Variants in JMJD1C observed in about 807,000 individuals in gnomAD.
JMJD1C encodes jumonji domain-containing protein 1C.
Under a neutral mutation model 245.3 loss-of-function variants are expected in JMJD1C, and 31 were observed. The observed-to-expected ratio is 0.13, with a 90% confidence interval of 0.09 to 0.17. The LOEUF (loss-of-function observed/expected upper bound fraction) is 0.17. JMJD1C is among the 10% of genes least tolerant of loss of function. The pLI, the probability that JMJD1C is intolerant of heterozygous loss-of-function variation, is 1.00. For missense variants in JMJD1C, 2,691 were observed against 3,000.2 expected, an observed-to-expected ratio of 0.90 and a Z score of 2.41; for synonymous variants, 1,057 against 1,017.4, an observed-to-expected ratio of 1.04 and a Z score of -0.74.
chr10:63,210,969 C>T (rs1847250896), intron 8 of JMJD1C, among the ~76,000 whole-genome samples: 1 of 152,192 alleles, frequency 6.6e-6, no homozygotes, highest in African/African-American at 2.4e-5. Flanking sequence ...ATCTTGTCAA[C>T]CTCAAATGTG....
intron 22 of JMJD1C, among the ~76,000 whole-genome samples, chr10:63,181,417 T>C (rs1429602201): frequency 2.0e-5 from 3 of 152,188 alleles, no homozygotes; most frequent in Non-Finnish European, 2.9e-5. Context: ...GGGTGAATGA[T>C]AATCTGAGTT....
intron 1 of JMJD1C, among the ~76,000 whole-genome samples, chr10:63,386,812 C>G (rs994656513): frequency 3.9e-5 from 6 of 152,162 alleles, no homozygotes; most frequent in Non-Finnish European, 5.9e-5. Context: ...CACTCATTCA[C>G]CCCACTACTG....
At position 63,319,243 on chromosome 10, in the gene JMJD1C, C is replaced by T. The variant is rs1003731837; in HGVS notation, c.334-54479G>A. 6.1e-4 allele frequency among the ~76,000 whole-genome samples: 74 copies of T among 122,264 alleles called. 1 individual carries two copies. The highest frequency in any genetic ancestry group is 2.5e-4 in the East Asian group (1 of 4,020). 80.2% of individuals were successfully genotyped at this position (122,264 alleles called of 152,430 possible). On this transcript the variant is annotated intron_variant, in intron 2 of 25. Coordinates refer to ENST00000399262, the MANE Select transcript of JMJD1C (RefSeq NM_032776.3). Reference sequence around the variant, plus strand: ...CTGCACTCCAGCCTGGGCGACAGAGCGAGACTCCATCTAAAAAAAAAAAAA... The same window carrying T: ...CTGCACTCCAGCCTGGGCGACAGAGTGAGACTCCATCTAAAAAAAAAAAAA...
chr10:63,307,924 C>T (rs922567895), intron 2 of JMJD1C, among the ~76,000 whole-genome samples: 121 of 152,088 alleles, frequency 8.0e-4, no homozygotes, highest in East Asian at 1.5e-3. Flanking sequence ...CTGAGGCAGG[C>T]GGATCACTTG....
intron 1 of JMJD1C, among the ~76,000 whole-genome samples, chr10:63,385,650 T>C (rs1267890483): frequency 1.3e-5 from 2 of 151,798 alleles, no homozygotes; most frequent in Non-Finnish European, 2.9e-5. Flanking sequence ...CTTGCTATAT[T>C]GTTCAGGCTG....
In JMJD1C at chr10:63,201,510, T is replaced by C. The variant is rs566699459; in HGVS notation, c.5075-833A>G. Among the ~76,000 whole-genome samples, 10 of 152,378 alleles carry C rather than the reference T, an allele frequency of 6.6e-5. No individual in the cohort carries two copies. In the South Asian group the frequency reaches 1.9e-3, roughly 28 times the overall value. ...TTGCTCCATCACATTTACTGACTTATGTTTAATAAGTACAAGAACATTGGC... is the reference window on the plus strand; with the variant it reads ...TTGCTCCATCACATTTACTGACTTACGTTTAATAAGTACAAGAACATTGGC... On this transcript the variant is annotated intron_variant, in intron 10 of 25. Transcript: ENST00000399262.
At chr10:63,467,923 A>C (rs1334481849), upstream of JMJD1C, among the ~76,000 whole-genome samples, 2 of 152,238 alleles carry the variant, frequency 1.3e-5, no homozygotes, top group African/African-American at 2.4e-5. Flanking sequence ...TGAGAAAAAC[A>C]TGCAAATTCA....
At chr10:63,277,730 T>A (rs1215743841) in intron 2 of JMJD1C, among the ~76,000 whole-genome samples, 2 of 125,992 alleles carry the variant, frequency 1.6e-5, no homozygotes, top group African/African-American at 6.2e-5. Flanking sequence ...AATTTGCATT[T>A]CTTTTTTTTT....
At chr10:63,469,130 T>C (rs1305388928), upstream of JMJD1C, among the ~76,000 whole-genome samples, 2 of 152,220 alleles carry the variant, frequency 1.3e-5, no homozygotes, top group South Asian at 2.1e-4. Flanking sequence ...TATGTAACTG[T>C]GGAAAGTGTC....
chr10:63,260,867 A>T (rs1170467829), intron 3 of JMJD1C, among the ~76,000 whole-genome samples: 1 of 152,168 alleles, frequency 6.6e-6, no homozygotes, highest in African/African-American at 2.4e-5. Flanking sequence ...CTGGGATTAC[A>T]GGCATGAGCC....
At chr10:63,474,926 G>A (rs1953612255) in intron 1 of JMJD1C, among the ~76,000 whole-genome samples, 1 of 152,054 alleles carries the variant, frequency 6.6e-6, no homozygotes, top group Non-Finnish European at 1.5e-5. Context: ...ACAAATTACA[G>A]CAAATCTAAT....
At chr10:63,397,608 A>G (rs1255353366) in intron 1 of JMJD1C, among the ~76,000 whole-genome samples, 1 of 152,006 alleles carries the variant, frequency 6.6e-6, no homozygotes, top group African/African-American at 2.4e-5. Context: ...ATCACGGTTC[A>G]TTGCAGCCTC....
intron 2 of JMJD1C, among the ~76,000 whole-genome samples, chr10:63,325,335 G>C (rs1335341151): frequency 6.6e-6 from 1 of 151,964 alleles, no homozygotes; most frequent in Admixed American, 6.6e-5. Flanking sequence ...TCAGTGTTTT[G>C]GTTTTTTGTT....
intron 2 of JMJD1C, among the ~76,000 whole-genome samples, chr10:63,341,213 T>C (rs1030023071): frequency 2.0e-5 from 3 of 152,224 alleles, no homozygotes; most frequent in East Asian, 1.9e-4. Context: ...AGGCACAGCA[T>C]TGCATTTTTA....
At chr10:63,411,293 A>ATTTT (rs58719205) in intron 1 of JMJD1C, among the ~76,000 whole-genome samples, 2 of 84,560 alleles carry the variant, frequency 2.4e-5, no homozygotes, top group East Asian at 3.0e-4. Context: ...TGTGTCACTG[A>ATTTT]TTTTTTTTTT....
chr10:63,356,334 T>C (rs1489373181), intron 2 of JMJD1C, among the ~76,000 whole-genome samples: 1 of 152,178 alleles, frequency 6.6e-6, no homozygotes, highest in African/African-American at 2.4e-5. Context: ...AATACAAATA[T>C]TTCTAAATCT....
chr10:63,323,477 G>A (rs1182578504), intron 2 of JMJD1C, among the ~76,000 whole-genome samples: 5 of 152,040 alleles, frequency 3.3e-5, no homozygotes, highest in East Asian at 1.9e-4. Flanking sequence ...CCAAGATCGC[G>A]CCACTGTACT....
intron 2 of JMJD1C, among the ~76,000 whole-genome samples, chr10:63,355,744 T>TAA (rs921049834): frequency 2.7e-5 from 4 of 146,208 alleles, no homozygotes; most frequent in Admixed American, 6.8e-5. Flanking sequence ...AGTTACTTAT[T>TAA]AAAAAAAAAA....
At chr10:63,221,429 C>A (rs2133291013) in intron 3 of JMJD1C, among the ~76,000 whole-genome samples, 1 of 152,138 alleles carries the variant, frequency 6.6e-6, no homozygotes, top group East Asian at 1.9e-4. Flanking sequence ...AAGTAAGGGC[C>A]TTTAAATTAA....
Sources: allele counts gnomAD v4.1 joint callset (sites outside exome capture counted in the v4.1 genomes callset), GRCh38; gene constraint gnomAD v4.1.1; transcripts MANE v1.5; gene names NCBI Gene and HGNC (gene_info 2026-07-23, HGNC 2026-07-21).